The following SNX10 variants were observed in gnomAD, a reference collection of about 807,000 sequenced individuals.
SNX10 encodes the protein sorting nexin-10.
Under a neutral mutation model 28.5 loss-of-function variants are expected in SNX10, and 25 were observed. The observed-to-expected ratio is 0.88, with a 90% confidence interval of 0.64 to 1.22. The LOEUF (loss-of-function observed/expected upper bound fraction) is 1.22, where lower values mean the gene tolerates loss of function less well. Ranked by LOEUF, SNX10 falls within the 50% of genes most tolerant of loss-of-function variation. The pLI, the probability that SNX10 is intolerant of heterozygous loss-of-function variation, is 0.00. For missense variants in SNX10, 223 were observed against 242.6 expected, an observed-to-expected ratio of 0.92 and a Z score of 0.54; for synonymous variants, 62 against 81.4, an observed-to-expected ratio of 0.76 and a Z score of 1.28.
intron 1 of SNX10, among the ~76,000 whole-genome samples, chr7:26,335,945 G>GTGTTAGCCAGGA (rs772568122): frequency 2.6e-5 from 4 of 151,154 alleles, no homozygotes; most frequent in East Asian, 2.0e-4. Context: ...GGGTTTCACC[G>GTGTTAGCCAGGA]TGGTCTCGAT....
chr7:26,355,237 C>G (rs937925558), intron 2 of SNX10, among the ~76,000 whole-genome samples: 1 of 152,112 alleles, frequency 6.6e-6, no homozygotes, highest in Non-Finnish European at 1.5e-5. Context: ...GCTGCTGTAG[C>G]CTTAACATTG....
chr7:26,296,107 C>A (rs1296081036), intron 1 of SNX10, among the ~76,000 whole-genome samples: 2 of 151,834 alleles, frequency 1.3e-5, no homozygotes, highest in Non-Finnish European at 2.9e-5. Context: ...TGTACTGCAG[C>A]CTGCACAACA....
Position 26,372,544 on chromosome 7 carries a change from A to C in SNX10, c.578A>C (p.Lys193Thr). ...GATGACAGCAGTTCACATGGATGTA[A>C]AGTAAATACAGCTCCGCAGGAATCC... ...SSDDSSSHGC[K>T]VNTAPQES is the part of the protein sequence containing the mutation. The change falls in exon 7 of 7, where the codon AAA becomes ACA. Residue 193 changes from lysine to threonine, a missense_variant. Coordinates refer to ENST00000338523, the MANE Select transcript of SNX10 (RefSeq NM_013322.3). 1 of 1,606,844 alleles carries C rather than the reference A, an allele frequency of 6.2e-7. No individual in the cohort carries two copies. Among genetic ancestry groups the C allele is most frequent in the Non-Finnish European group, 8.5e-7 (1 of 1,173,434 alleles).
chr7:26,346,608 C>G, intron 2 of SNX10, 142 bp downstream of exon 2: 5 of 711,938 alleles, frequency 7.0e-6, no homozygotes, highest in Non-Finnish European at 1.0e-5. Flanking sequence ...GTACCTGCTC[C>G]TCTACTCCCA....
At chr7:26,330,570 G>A (rs4722593) in intron 1 of SNX10, among the ~76,000 whole-genome samples, 43,141 of 151,884 alleles carry the variant, frequency 0.28, 6,833 homozygotes, top group East Asian at 0.41. Flanking sequence ...CATAGTGGAA[G>A]GAAGGGTTAG....
intron 1 of SNX10, among the ~76,000 whole-genome samples, chr7:26,317,647 ATCT>A (rs1787141010): frequency 6.9e-6 from 1 of 145,026 alleles, no homozygotes; most frequent in African/African-American, 2.5e-5. Context: ...TTTAATGGTG[ATCT>A]TCTTTGATCT....
intron 1 of SNX10, among the ~76,000 whole-genome samples, chr7:26,317,362 G>T (rs894313869): frequency 6.6e-6 from 1 of 152,150 alleles, no homozygotes; most frequent in Non-Finnish European, 1.5e-5. Context: ...ACTTTGTGGT[G>T]ATGACCTTGA....
intron 5 of SNX10, among the ~76,000 whole-genome samples, chr7:26,365,508 C>A (rs188685597): frequency 2.0e-5 from 3 of 152,324 alleles, no homozygotes; most frequent in African/African-American, 7.2e-5. Context: ...TCTTTCTTTA[C>A]AATGCTTAGA....
intron 1 of SNX10, among the ~76,000 whole-genome samples, chr7:26,328,497 G>A (rs1003054338): frequency 4.6e-5 from 7 of 152,140 alleles, no homozygotes; most frequent in Non-Finnish European, 7.3e-5. Flanking sequence ...GGACACCTTT[G>A]TACATGATAT....
chr7:26,350,630 C>G (rs1788560004), intron 2 of SNX10, among the ~76,000 whole-genome samples: 1 of 152,046 alleles, frequency 6.6e-6, no homozygotes, highest in Non-Finnish European at 1.5e-5. Flanking sequence ...CTCCCCAAAA[C>G]CTAAATTTGT....
At chr7:26,350,197 C>T (rs1406503639) in intron 2 of SNX10, among the ~76,000 whole-genome samples, 1 of 152,170 alleles carries the variant, frequency 6.6e-6, no homozygotes, top group Non-Finnish European at 1.5e-5. Context: ...CTAGGTATAA[C>T]AGCAGCTTCT....
At chr7:26,333,615 C>T (rs1787823055) in intron 1 of SNX10, among the ~76,000 whole-genome samples, 1 of 152,160 alleles carries the variant, frequency 6.6e-6, no homozygotes, top group East Asian at 1.9e-4. Flanking sequence ...TGAGCCACCG[C>T]ACCCGACTAT....
At chr7:26,353,467 G>GGGT (rs1476592557) in intron 2 of SNX10, among the ~76,000 whole-genome samples, 1 of 142,920 alleles carries the variant, frequency 7.0e-6, no homozygotes, top group African/African-American at 2.6e-5. Context: ...TTTTGGTGGG[G>GGGT]AGACAGAGTC....
chr7:26,363,076 G>A (rs929276855), intron 3 of SNX10, among the ~76,000 whole-genome samples: 18 of 152,166 alleles, frequency 1.2e-4, no homozygotes, highest in African/African-American at 3.6e-4. Flanking sequence ...CTTGTTAGGG[G>A]ACTAGTTCTG....
chr7:26,294,537 GT>G (rs1786038546), intron 1 of SNX10, among the ~76,000 whole-genome samples: 1 of 152,182 alleles, frequency 6.6e-6, no homozygotes, highest in African/African-American at 2.4e-5. Flanking sequence ...TTGTGAAAGA[GT>G]TTTTATGTGG....
chr7:26,366,688 G>A (rs1267220782), intron 5 of SNX10, among the ~76,000 whole-genome samples: 1 of 152,250 alleles, frequency 6.6e-6, no homozygotes, highest in African/African-American at 2.4e-5. Context: ...TCCTCGGGGA[G>A]CTGTGGCATC....
intron 1 of SNX10, among the ~76,000 whole-genome samples, chr7:26,307,522 G>A (rs1030446719): frequency 2.0e-5 from 3 of 151,946 alleles, no homozygotes; most frequent in Non-Finnish European, 4.4e-5. Context: ...ATCTCAGCTC[G>A]CTGCAACCTC....
Position 26,360,964 on chromosome 7 carries a change from T to A in SNX10, c.25-11T>A. The stretch of plus-strand genomic sequence containing the variant: ...CTGAAGAATATTTCTTTGTTTATGA[T>A]GCCATTACAGGAATTTGTAAGTGTC... On this transcript the variant is annotated splice_polypyrimidine_tract_variant and intron_variant, in intron 2 of 6. Coordinates refer to ENST00000338523, the MANE Select transcript of SNX10 (RefSeq NM_013322.3). 1 of 1,612,854 alleles carries A rather than the reference T, an allele frequency of 6.2e-7. No homozygotes were observed.
At chr7:26,300,601 C>T (rs1217094970) in intron 1 of SNX10, among the ~76,000 whole-genome samples, 6 of 152,078 alleles carry the variant, frequency 3.9e-5, no homozygotes, top group Non-Finnish European at 8.8e-5. Context: ...TCCCAGTTGC[C>T]TTTTCTGCTA....
Sources: allele counts gnomAD v4.1 joint callset (sites outside exome capture counted in the v4.1 genomes callset), GRCh38; gene constraint gnomAD v4.1.1; transcripts MANE v1.5; gene names NCBI Gene and HGNC (gene_info 2026-07-23, HGNC 2026-07-21).